Variants in KNDC1 observed in about 807,000 individuals in gnomAD.
KNDC1 encodes kinase non-catalytic C-lobe domain containing 1.
A neutral mutation model predicts 172.8 loss-of-function variants in KNDC1; 106 were observed. That is an observed-to-expected ratio of 0.61 (90% CI 0.52 to 0.72). KNDC1 has a LOEUF of 0.72. KNDC1 is among the 30% of genes least tolerant of loss of function. The pLI is 0.00. For synonymous variants in KNDC1, 1,083 were observed against 1,062.2 expected (o/e 1.02, Z -0.38); for missense variants, 2,325 against 2,394.5 (o/e 0.97, Z 0.61).
At chr10:133,166,792 G>A (rs1308571680) in intron 1 of KNDC1, among the ~76,000 whole-genome samples, 1 of 152,084 alleles carries the variant, frequency 6.6e-6, no homozygotes, top group Admixed American at 6.6e-5. Flanking sequence ...GATCACAGCT[G>A]AGCCCTCGCG....
chr10:133,168,173 C>T, intron 2 of KNDC1, 81 bp from the exon 3 acceptor site: 1 of 1,323,130 alleles, frequency 7.6e-7, no homozygotes, highest in Admixed American at 1.7e-5. Context: ...GCCGCTCCCT[C>T]TCCAGGCCCT....
rs1853918426 is a variant in KNDC1, at chr10:133,186,388, A to G, written c.1040A>G (p.Asp347Gly). ...FSPDPRKAFL[D>G]RKNGLSSFQA... The stretch of plus-strand genomic sequence containing the variant: ...CCGGACCCCAGGAAGGCCTTTCTGG[A>G]CAGGAAAAATGGCCTTTCTAGCTTC... The change falls in exon 6 of 30, where the codon GAC (aspartate) becomes GGC (glycine). Residue 347 changes from aspartate to glycine, a missense_variant. Asp to Gly is a moderately conservative substitution (Grantham distance 94). Transcript: ENST00000304613. The G allele has an allele frequency of 1.9e-6, 3 of 1,612,640 alleles. No homozygotes were observed. In the South Asian group the frequency reaches 3.3e-5, roughly 18 times the overall value.
intron 26 of KNDC1, among the ~76,000 whole-genome samples, chr10:133,216,367 C>T (rs979304658): frequency 1.3e-4 from 20 of 152,124 alleles, no homozygotes; most frequent in African/African-American, 4.1e-4. Context: ...GAAGAAACAG[C>T]GTAAAATTTC....
At chr10:133,166,346 C>G (rs774729582) in intron 1 of KNDC1, among the ~76,000 whole-genome samples, 1 of 152,228 alleles carries the variant, frequency 6.6e-6, no homozygotes, top group Non-Finnish European at 1.5e-5. Flanking sequence ...GCAGCACACC[C>G]AAGAGGGCCT....
intron 26 of KNDC1, among the ~76,000 whole-genome samples, chr10:133,214,640 C>T (rs1190868070): frequency 6.6e-6 from 1 of 152,246 alleles, no homozygotes; most frequent in Non-Finnish European, 1.5e-5. Context: ...TGATGCCCAG[C>T]GTCCCACCCT....
chr10:133,213,728 G>A lies in KNDC1; in HGVS notation c.4526+1G>A. On this transcript the variant is annotated splice_donor_variant, in intron 25 of 29. Coordinates refer to ENST00000304613, the MANE Select transcript of KNDC1 (RefSeq NM_152643.8). LOFTEE classifies it high-confidence loss of function. ...TGGACAAGAGCACTGCCATCCCCAA[G>A]TGAGCGTCCGGGACCCTCAGCTGGG... 6.2e-7 allele frequency: 1 copy of A among 1,613,834 alleles called. No homozygotes were observed. Among genetic ancestry groups the A allele is most frequent in the Non-Finnish European group, 8.5e-7 (1 of 1,179,818 alleles).
At chr10:133,214,222 A>C in intron 26 of KNDC1, 100 bp downstream of exon 26, 4 of 1,288,728 alleles carry the variant, frequency 3.1e-6, no homozygotes, top group Non-Finnish European at 3.2e-6. Context: ...CCCTCTCCCA[A>C]TGCAGTGAAC....
intron 17 of KNDC1, chr10:133,202,854 C>T (rs1854412034): frequency 2.9e-6 from 1 of 341,430 alleles, no homozygotes; most frequent in Non-Finnish European, 5.8e-6. Flanking sequence ...TCGGACACCC[C>T]ACACAGGGCC....
At chr10:133,168,453 C>A in intron 3 of KNDC1, 141 bp downstream of exon 3, 1 of 845,168 alleles carries the variant, frequency 1.2e-6, no homozygotes, top group South Asian at 1.5e-5. Flanking sequence ...CTGCCCGGTT[C>A]ACTGGGCTAT....
intron 14 of KNDC1, 80 bp downstream of exon 14, chr10:133,199,346 C>A (rs1854298263): frequency 1.3e-6 from 2 of 1,559,938 alleles, no homozygotes; most frequent in African/African-American, 2.7e-5. Context: ...GCCCCACGCC[C>A]TTCCCCCAGC....
intron 9 of KNDC1, among the ~76,000 whole-genome samples, chr10:133,194,344 T>A (rs866564476): frequency 6.6e-6 from 1 of 152,072 alleles, no homozygotes; most frequent in Non-Finnish European, 1.5e-5. Flanking sequence ...TAAAAACATA[T>A]AGAACTGAGT....
intron 3 of KNDC1, among the ~76,000 whole-genome samples, chr10:133,182,812 C>T (rs369453046): frequency 1.3e-5 from 2 of 152,252 alleles, no homozygotes; most frequent in African/African-American, 4.8e-5. Flanking sequence ...CTAGGCCCAA[C>T]TGCGCGGGCG....
chr10:133,191,400 AAAT>A (rs919488069), intron 9 of KNDC1, among the ~76,000 whole-genome samples: 106 of 151,378 alleles, frequency 7.0e-4, no homozygotes, highest in African/African-American at 2.5e-3. Flanking sequence ...CTGTCTCAAA[AAAT>A]AAATACCCCA....
chr10:133,168,147 G>C, intron 2 of KNDC1, 107 bp from the exon 3 acceptor site: 3 of 948,546 alleles, frequency 3.2e-6, no homozygotes, highest in South Asian at 1.3e-5. Context: ...CCAGGTCTGC[G>C]GGGAGGGAAC....
chr10:133,163,188 T>C lies in KNDC1; in HGVS notation c.102+2619T>C, dbSNP rs1244829344. ...GAGTCGATGGATGGGCAATGCTGGC[T>C]GCCCCATGGGAATTCAGATGAGACG... is the stretch of plus-strand genomic sequence containing the variant. On this transcript the variant is annotated intron_variant, in intron 1 of 29. Coordinates refer to ENST00000304613, the MANE Select transcript of KNDC1 (RefSeq NM_152643.8). The surrounding 1 kb of genome is among the most constrained non-coding windows in gnomAD (Gnocchi z 4.4). Among the ~76,000 whole-genome samples, 1 of 152,200 alleles carries C rather than the reference T, an allele frequency of 6.6e-6. No individual in the cohort carries two copies. The highest frequency in any genetic ancestry group is 1.5e-5 in the Non-Finnish European group (1 of 68,038).
In KNDC1 at chr10:133,160,421, C is replaced by A. The variant is rs777527590; in HGVS notation, c.-47C>A. The A allele has an allele frequency of 1.5e-6, 2 of 1,320,342 alleles. No homozygotes were observed. The highest frequency in any genetic ancestry group is 2.6e-5 in the Admixed American group (1 of 37,850). The allele number at this position is 1,320,342 out of a possible 1,614,324, so 81.8% of individuals were successfully genotyped here. A position where few individuals can be genotyped will look rare whatever the true frequency, so the allele number is the denominator to read the frequency against. ...CAGGGCGCGCGTAGCCGAGCCCAGC[C>A]CAGCCCAGCCGGAGGCCCCGGGGGC... On this transcript the variant is annotated 5_prime_UTR_variant, in exon 1 of 30. Coordinates refer to ENST00000304613, the MANE Select transcript of KNDC1 (RefSeq NM_152643.8).
At chr10:133,166,853 G>A (rs962050603) in intron 1 of KNDC1, among the ~76,000 whole-genome samples, 26 of 152,122 alleles carry the variant, frequency 1.7e-4, no homozygotes, top group Admixed American at 5.2e-4. Flanking sequence ...GGGGGCGGCC[G>A]AGCCACATGG....
chr10:133,207,408 GA>G, intron 20 of KNDC1, 57 bp downstream of exon 20: 1 of 1,522,868 alleles, frequency 6.6e-7, no homozygotes, highest in Non-Finnish European at 9.1e-7. Flanking sequence ...GTGCTGAGAA[GA>G]GGGGGGGAAC....
intron 10 of KNDC1, among the ~76,000 whole-genome samples, 188 bp downstream of exon 10, chr10:133,196,009 C>T (rs145603595): frequency 1.7e-4 from 26 of 152,352 alleles, no homozygotes; most frequent in Non-Finnish European, 3.4e-4. Context: ...GTGGGTTTCG[C>T]GTCATGGCCA....
Sources: gnomAD v4.1 joint callset for allele counts (sites outside exome capture counted in the v4.1 genomes callset) on GRCh38, gnomAD v4.1.1 for gene constraint, Gnocchi (gnomAD v3.1) non-coding constraint, MANE v1.5 for transcripts, NCBI Gene and HGNC (gene_info 2026-07-23, HGNC 2026-07-21) for gene names.